The following SPTLC2 variants were observed in gnomAD, a reference collection of about 807,000 sequenced individuals.
SPTLC2 encodes serine palmitoyltransferase long chain base subunit 2, also known as serine palmitoyltransferase 2.
In SPTLC2, 21 loss-of-function variants were observed where a neutral mutation model predicts 62.0. The observed-to-expected ratio is 0.34, with a 90% confidence interval of 0.24 to 0.49. The LOEUF is 0.49. SPTLC2 is among the 20% of genes least tolerant of loss of function. SPTLC2 has a pLI of 0.99. For missense variants in SPTLC2, 511 were observed against 713.0 expected, an observed-to-expected ratio of 0.72 and a Z score of 3.23; for synonymous variants, 261 against 261.8, an observed-to-expected ratio of 1.00 and a Z score of 0.03.
Position 77,512,332 on chromosome 14 carries a change from T to TAG in SPTLC2, c.1639_1640dup (p.Leu548TyrfsTer51). On this transcript the variant is annotated frameshift_variant, in exon 12 of 12. Coordinates refer to ENST00000216484, the MANE Select transcript of SPTLC2 (RefSeq NM_004863.4). LOFTEE classifies it high-confidence loss of function. ...TCGTCTCGTCAAAGGGCCTGTCCAG[T>TAG]AGAGGTACCAACCGATGACGGGAAT... The TAG allele has an allele frequency of 1.2e-6, 2 of 1,614,160 alleles. No homozygotes were observed. Among genetic ancestry groups the TAG allele is most frequent in the Non-Finnish European group, 1.7e-6 (2 of 1,180,030 alleles).
In SPTLC2 at chr14:77,552,142, G is replaced by A; in HGVS notation, c.1257C>T (p.Ile419=). The change falls in exon 9 of 12, where the codon ATC becomes ATT. Residue 419 remains isoleucine, a synonymous_variant. Transcript: ENST00000216484. ...TSLSPPVVEQ[I]ITSMKCIMGQ... is the part of the protein sequence containing the mutation. ...CCATGATGCACTTCATGGAGGTGAT[G>A]ATCTGCTCCACTACAGGAGGTGACA... 1.9e-6 allele frequency: 3 copies of A among 1,614,154 alleles called. No homozygotes were observed. In the South Asian group the frequency reaches 3.3e-5, roughly 18 times the overall value.
At chr14:77,593,445 G>A (rs1055971234) in intron 2 of SPTLC2, among the ~76,000 whole-genome samples, 1 of 152,112 alleles carries the variant, frequency 6.6e-6, no homozygotes, top group Non-Finnish European at 1.5e-5. Flanking sequence ...TGTCACGTAC[G>A]TGTTTCTGAA....
rs1263322392 is a variant in SPTLC2 at position 77,529,250 on chromosome 14, CTTCTTT to C, written c.1304-7675_1304-7670del. On this transcript the variant is annotated intron_variant, in intron 9 of 11. Coordinates refer to ENST00000216484, the MANE Select transcript of SPTLC2 (RefSeq NM_004863.4). ...CTGTGAAGTTTCTCTTTGAAAACTT[CTTCTTT>C]TTTTTTTTTTTTTTTTTTTAACAAA... Among the ~76,000 whole-genome samples, 528 of 107,382 alleles carry C rather than the reference CTTCTTT, an allele frequency of 4.9e-3. 4 individuals carry two copies. Among genetic ancestry groups the C allele is most frequent in the African/African-American group, 0.012 (273 of 23,344 alleles). The allele number at this position is 107,382 out of a possible 152,430, so 70.4% of individuals were successfully genotyped here. A position where few individuals can be genotyped will look rare whatever the true frequency, so the allele number is the denominator to read the frequency against.
At chr14:77,559,751 C>G (rs2079604695) in intron 6 of SPTLC2, among the ~76,000 whole-genome samples, 1 of 151,898 alleles carries the variant, frequency 6.6e-6, no homozygotes, top group Non-Finnish European at 1.5e-5. Flanking sequence ...ACTAGTCCGG[C>G]ATGGTGGTGG....
intron 2 of SPTLC2, among the ~76,000 whole-genome samples, chr14:77,585,306 A>C (rs956304643): frequency 6.6e-6 from 1 of 152,200 alleles, no homozygotes; most frequent in African/African-American, 2.4e-5. Flanking sequence ...TCACTGAATA[A>C]AATTTAAATT....
chr14:77,578,765 A>G, intron 3 of SPTLC2, 190 bp downstream of exon 3: 2 of 579,568 alleles, frequency 3.5e-6, no homozygotes, highest in Non-Finnish European at 5.9e-6. Context: ...AATCCAACAC[A>G]GTATCAAATG....
intron 9 of SPTLC2, among the ~76,000 whole-genome samples, chr14:77,549,743 A>C (rs2079546592): frequency 6.6e-6 from 1 of 152,190 alleles, no homozygotes; most frequent in South Asian, 2.1e-4. Flanking sequence ...CAAAAACTAG[A>C]AAACTTGTGC....
At chr14:77,565,119 G>T (rs192359642) in intron 5 of SPTLC2, among the ~76,000 whole-genome samples, 1 of 151,698 alleles carries the variant, frequency 6.6e-6, no homozygotes, top group Non-Finnish European at 1.5e-5. Flanking sequence ...GTGGGTGCCT[G>T]TAATCCCAGC....
intron 1 of SPTLC2, among the ~76,000 whole-genome samples, chr14:77,612,558 T>C (rs1270708828): frequency 6.6e-6 from 1 of 152,240 alleles, no homozygotes; most frequent in African/African-American, 2.4e-5. Context: ...TGAGGTATCT[T>C]ATCAGGATCT....
chr14:77,587,051 C>T (rs1030672041), intron 2 of SPTLC2, among the ~76,000 whole-genome samples: 1 of 152,062 alleles, frequency 6.6e-6, no homozygotes, highest in African/African-American at 2.4e-5. Flanking sequence ...CAGTGAAACC[C>T]GTCTGTACTA....
At chr14:77,528,168 C>T (rs2079418343) in intron 9 of SPTLC2, among the ~76,000 whole-genome samples, 1 of 152,158 alleles carries the variant, frequency 6.6e-6, no homozygotes, top group African/African-American at 2.4e-5. Context: ...CCAACTTATA[C>T]TTTCCAATTA....
intron 9 of SPTLC2, among the ~76,000 whole-genome samples, chr14:77,550,897 CTG>C (rs1444329765): frequency 1.5e-5 from 2 of 134,888 alleles, no homozygotes; most frequent in Non-Finnish European, 3.1e-5. Context: ...GAGCAAGACT[CTG>C]TCTCAAAAAC....
At chr14:77,591,690 T>G (rs1485669246) in intron 2 of SPTLC2, among the ~76,000 whole-genome samples, 1 of 89,656 alleles carries the variant, frequency 1.1e-5, no homozygotes, top group Non-Finnish European at 2.4e-5. Flanking sequence ...AGTAGTGCTC[T>G]TCTGTATGTA....
At chr14:77,540,080 C>T (rs1269518522) in intron 9 of SPTLC2, among the ~76,000 whole-genome samples, 1 of 151,900 alleles carries the variant, frequency 6.6e-6, no homozygotes, top group African/African-American at 2.4e-5. Context: ...CCTATAATCC[C>T]AGCTACTCGG....
chr14:77,560,492 G>A (rs953300851), intron 6 of SPTLC2, among the ~76,000 whole-genome samples: 2 of 152,090 alleles, frequency 1.3e-5, no homozygotes, highest in African/African-American at 4.8e-5. Flanking sequence ...GAACACATCT[G>A]TAGTCCCAGC....
At chr14:77,608,025 C>T (rs17106092) in intron 1 of SPTLC2, among the ~76,000 whole-genome samples, 3,002 of 152,226 alleles carry the variant, frequency 0.02, 101 homozygotes, top group African/African-American at 0.068. Flanking sequence ...TAGCACCAAC[C>T]GGCGTCTCAC....
At chr14:77,572,259 C>T (rs1324412931) in intron 4 of SPTLC2, among the ~76,000 whole-genome samples, 1 of 152,168 alleles carries the variant, frequency 6.6e-6, no homozygotes, top group Non-Finnish European at 1.5e-5. Context: ...GTTCTACTCC[C>T]ATCTTCCTCT....
intron 6 of SPTLC2, 72 bp from the exon 7 acceptor site, chr14:77,557,218 T>G (rs2079589290): frequency 1.5e-6 from 2 of 1,326,228 alleles, no homozygotes; most frequent in African/African-American, 2.9e-5. Flanking sequence ...AATGCAGAGA[T>G]ATATTTCTCA....
chr14:77,540,181 G>A (rs1434013049), intron 9 of SPTLC2, among the ~76,000 whole-genome samples: 1 of 141,878 alleles, frequency 7.0e-6, no homozygotes, highest in Non-Finnish European at 1.5e-5. Flanking sequence ...GCCAGCATGG[G>A]CAACAAGAGC....
Sources: gnomAD v4.1 joint callset for allele counts (sites outside exome capture counted in the v4.1 genomes callset) on GRCh38, gnomAD v4.1.1 for gene constraint, MANE v1.5 for transcripts, NCBI Gene and HGNC (gene_info 2026-07-23, HGNC 2026-07-21) for gene names.